Variants in FREM2 observed in about 807,000 individuals in gnomAD.
FREM2 encodes the protein FRAS1 related extracellular matrix 2.
FREM2 carries 119 observed loss-of-function variants against 219.9 expected under a neutral mutation model. That is an observed-to-expected ratio of 0.54 (90% confidence interval 0.47 to 0.63). The LOEUF (loss-of-function observed/expected upper bound fraction) is 0.63. Ranked by LOEUF, FREM2 falls within the 30% of genes least tolerant of loss-of-function variation. FREM2 has a pLI of 0.00. For missense variants in FREM2, 4,030 were observed against 3,993.6 expected (o/e 1.01, Z -0.25); for synonymous variants, 1,562 against 1,522.8 (o/e 1.03, Z -0.60).
intron 6 of FREM2, among the ~76,000 whole-genome samples, chr13:38,798,512 A>G (rs1184364729): frequency 2.0e-5 from 3 of 151,936 alleles, no homozygotes; most frequent in African/African-American, 7.2e-5. Context: ...TTCTTTATCT[A>G]TTTTTTGTAC....
At chr13:38,839,288 G>A (rs1325658138) in intron 6 of FREM2, among the ~76,000 whole-genome samples, 2 of 152,220 alleles carry the variant, frequency 1.3e-5, no homozygotes, top group African/African-American at 4.8e-5. Flanking sequence ...ATCACCAGCA[G>A]AGGCTGCAGA....
At chr13:38,825,726 T>G (rs1876255369) in intron 6 of FREM2, among the ~76,000 whole-genome samples, 1 of 152,098 alleles carries the variant, frequency 6.6e-6, no homozygotes, top group Admixed American at 6.6e-5. Context: ...TATTAAGCTG[T>G]CCAGTTCTAT....
In FREM2 at chr13:38,690,914, G is replaced by C. The variant is rs1869811644; in HGVS notation, c.3570G>C (p.Gln1190His). 1.9e-6 allele frequency: 3 copies of C among 1,614,004 alleles called. No individual in the cohort carries two copies. The South Asian group carries it at 3.3e-5, about 18-fold the overall frequency. The stretch of plus-strand genomic sequence containing the variant: ...TAATCATTCCCACCAATGATGAACA[G>C]CCAGAGATGTTTATGAGAGAATTTA... ...PIVIIPTNDE[Q>H]PEMFMREFMV... is the part of the protein sequence containing the mutation. Residue 1190 changes from glutamine (Q) to histidine (H), a missense_variant, in exon 1 of 24, where the codon CAG becomes CAC. Physicochemically the swap from Gln to His is conservative, Grantham distance 24 (BLOSUM62 0). Around this residue, in one of 2 missense-constraint regions of FREM2, gnomAD observed 3,102 missense variants for 2,950.7 expected, o/e 1.05. Coordinates refer to ENST00000280481, the MANE Select transcript of FREM2 (RefSeq NM_207361.6).
intron 6 of FREM2, among the ~76,000 whole-genome samples, chr13:38,793,535 C>T (rs532088444): frequency 4.6e-5 from 7 of 152,110 alleles, no homozygotes; most frequent in Admixed American, 2.6e-4. Flanking sequence ...GAGAGGTGGG[C>T]GAGGAGTCAA....
intron 2 of FREM2, among the ~76,000 whole-genome samples, chr13:38,708,375 C>A (rs774185114): frequency 6.6e-6 from 1 of 152,116 alleles, no homozygotes; most frequent in Non-Finnish European, 1.5e-5. Flanking sequence ...GATTTTAGAC[C>A]GGGCGCAGTG....
intron 6 of FREM2, among the ~76,000 whole-genome samples, chr13:38,841,857 C>G (rs986326902): frequency 2.8e-4 from 43 of 152,162 alleles, no homozygotes; most frequent in African/African-American, 1.0e-3. Context: ...ATTGATTAAA[C>G]TAAGTGTTAG....
At chr13:38,837,770 TTTTTG>T (rs1194672216) in intron 6 of FREM2, among the ~76,000 whole-genome samples, 1 of 144,036 alleles carries the variant, frequency 6.9e-6, no homozygotes, top group Non-Finnish European at 1.5e-5. Flanking sequence ...CCCTGGTTTT[TTTTTG>T]TTTTGTTTTG....
intron 16 of FREM2, among the ~76,000 whole-genome samples, chr13:38,869,134 A>G (rs971340572): frequency 6.6e-6 from 1 of 152,232 alleles, no homozygotes; most frequent in African/African-American, 2.4e-5. Flanking sequence ...TGCTAGGAAC[A>G]ACATGATAGA....
intron 2 of FREM2, among the ~76,000 whole-genome samples, chr13:38,717,829 T>C (rs897260434): frequency 1.6e-4 from 25 of 152,342 alleles, no homozygotes; most frequent in Admixed American, 2.6e-4. Flanking sequence ...CAGATATAGA[T>C]GGTGAAGTCC....
At chr13:38,856,340 A>G (rs1047391101) in intron 12 of FREM2, 84 bp downstream of exon 12, 3 of 1,250,324 alleles carry the variant, frequency 2.4e-6, no homozygotes, top group Non-Finnish European at 3.5e-6. Flanking sequence ...GTGTACAACA[A>G]AATGAGGAGA....
intron 2 of FREM2, among the ~76,000 whole-genome samples, chr13:38,743,206 T>C (rs1872319852): frequency 6.6e-6 from 1 of 152,174 alleles, no homozygotes; most frequent in African/African-American, 2.4e-5. Context: ...AACTTTATGC[T>C]TGGCATATTT....
At chr13:38,702,081 C>T (rs1173339317) in intron 2 of FREM2, among the ~76,000 whole-genome samples, 2 of 151,852 alleles carry the variant, frequency 1.3e-5, no homozygotes, top group Non-Finnish European at 2.9e-5. Context: ...CCCAGTAGAC[C>T]CTTTGCATTC....
chr13:38,819,022 G>A (rs1480038820), intron 6 of FREM2, among the ~76,000 whole-genome samples: 1 of 152,050 alleles, frequency 6.6e-6, no homozygotes, highest in African/African-American at 2.4e-5. Context: ...ACATCAAGTT[G>A]CACCTCATAA....
At chr13:38,861,331 A>G in intron 14 of FREM2, 100 bp from the exon 15 acceptor site, 1 of 1,250,702 alleles carries the variant, frequency 8.0e-7, no homozygotes, top group Non-Finnish European at 1.1e-6. Context: ...AGAGAAGTTG[A>G]AAGTACACAG....
chr13:38,797,705 A>G (rs1874847591), intron 6 of FREM2, among the ~76,000 whole-genome samples: 1 of 151,122 alleles, frequency 6.6e-6, no homozygotes, highest in South Asian at 2.1e-4. Flanking sequence ...AGTTTTCCCC[A>G]TTTTTTTCCT....
Position 38,846,668 on chromosome 13 carries a change from A to G in FREM2, c.6115A>G (p.Lys2039Glu), listed in dbSNP as rs556384900. The change falls in exon 7 of 24, where the codon AAG (lysine) becomes GAG (glutamate). Residue 2039 changes from lysine to glutamate, a missense_variant. This residue lies in a region of FREM2 where 3,102 missense variants were observed against 2,950.7 expected (regional missense o/e 1.05). Transcript: ENST00000280481. ...QVWRTGTDLS[K>E]SSSVTVRSRK... Reference sequence around the variant, plus strand: ...GTGGAGAACGGGCACTGACCTGTCCAAGTCTTCTAGTGTCACAGTGAGGTC... The same window carrying G: ...GTGGAGAACGGGCACTGACCTGTCCGAGTCTTCTAGTGTCACAGTGAGGTC... 1.4e-5 allele frequency: 22 copies of G among 1,613,856 alleles called. No homozygotes were observed. In the East Asian group the frequency reaches 4.5e-4, roughly 33 times the overall value.
rs182772784 is a variant in FREM2, at chr13:38,715,519, A to G, written c.5263+17732A>G. ...CTTGCCAAGAGTCTGTGGAACACCT[A>G]TCAGACCTGATTCGTTTCCAGATCC... On this transcript the variant is annotated intron_variant, in intron 2 of 23. Transcript: ENST00000280481. 7.0e-4 allele frequency among the ~76,000 whole-genome samples: 107 copies of G among 152,214 alleles called. No individual in the cohort carries two copies. The Middle Eastern group carries it at 0.01, about 15-fold the overall frequency.
chr13:38,848,080 A>T (rs1184605459), intron 7 of FREM2, among the ~76,000 whole-genome samples: 1 of 152,218 alleles, frequency 6.6e-6, no homozygotes, highest in African/African-American at 2.4e-5. Context: ...ACAAAATTTT[A>T]AATGTCTCTA....
chr13:38,697,754 A>G lies in FREM2; in HGVS notation c.5230A>G (p.Ser1744Gly), dbSNP rs763990049. The G allele has an allele frequency of 3.7e-6, 6 of 1,609,494 alleles. No homozygotes were observed. Among genetic ancestry groups the G allele is most frequent in the South Asian group, 3.3e-5 (3 of 90,996 alleles). ...CTTAAGAGAAGGGGCTAATGCCACA[A>G]GTGATATGTTCTATTTTGCAGTTGA... Reference protein sequence around the residue: ...YVLREGANATSDMFYFAVEDG... With the variant: ...YVLREGANATGDMFYFAVEDG... Residue 1744 changes from serine (S) to glycine (G), a missense_variant, in exon 2 of 24, where the codon AGT becomes GGT. Physicochemically the swap from Ser to Gly is moderately conservative, Grantham distance 56. This residue lies in a region of FREM2 where 3,102 missense variants were observed against 2,950.7 expected (regional missense o/e 1.05). Transcript: ENST00000280481.
Sources: gnomAD v4.1 joint callset for allele counts (sites outside exome capture counted in the v4.1 genomes callset) on GRCh38, gnomAD v4.1.1 for gene constraint, gnomAD v4.1.1 regional missense constraint, MANE v1.5 for transcripts, NCBI Gene and HGNC (gene_info 2026-07-23, HGNC 2026-07-21) for gene names.